Variants in NFAT5 observed in about 807,000 individuals in gnomAD.
The protein encoded by NFAT5 is nuclear factor of activated T cells 5, also known as nuclear factor of activated T-cells 5.
In NFAT5, 31 loss-of-function variants were observed where a neutral mutation model predicts 166.5. The observed-to-expected ratio is 0.19, with a 90% CI of 0.14 to 0.25. The LOEUF is 0.25. Ranked by LOEUF, NFAT5 falls within the 10% of genes least tolerant of loss-of-function variation. The pLI, the probability that NFAT5 is intolerant of heterozygous loss-of-function variation, is 1.00. For synonymous variants in NFAT5, 612 were observed against 639.7 expected (o/e 0.96, Z 0.65); for missense variants, 1,449 against 1,821.8 (o/e 0.80, Z 3.72).
chr16:69,588,201 C>T (rs11641050), intron 2 of NFAT5, among the ~76,000 whole-genome samples: 39,327 of 151,908 alleles, frequency 0.26, 5,550 homozygotes, highest in East Asian at 0.45. Flanking sequence ...CCACCTGCCT[C>T]GGCCTCCCAA....
chr16:69,688,269 CAG>C (rs1253290440), intron 11 of NFAT5, among the ~76,000 whole-genome samples: 5 of 146,448 alleles, frequency 3.4e-5, no homozygotes, highest in African/African-American at 1.3e-4. Context: ...GCCTGGGTAA[CAG>C]AGTGAGACCC....
chr16:69,577,265 T>C (rs1166230903), intron 2 of NFAT5, among the ~76,000 whole-genome samples: 1 of 152,160 alleles, frequency 6.6e-6, no homozygotes, highest in Non-Finnish European at 1.5e-5. Flanking sequence ...AGTTTAGAAG[T>C]TAACCCTCCC....
chr16:69,610,326 A>G (rs2033649008), intron 2 of NFAT5, among the ~76,000 whole-genome samples: 1 of 152,028 alleles, frequency 6.6e-6, no homozygotes, highest in Admixed American at 6.6e-5. Flanking sequence ...GGAAAACAAG[A>G]TGGGTTTTTT....
chr16:69,636,121 C>A (rs921340817), intron 3 of NFAT5, among the ~76,000 whole-genome samples: 2 of 152,090 alleles, frequency 1.3e-5, no homozygotes, highest in African/African-American at 4.8e-5. Context: ...GGTTACAGGG[C>A]CCATGCAAGT....
intron 2 of NFAT5, among the ~76,000 whole-genome samples, chr16:69,585,956 G>A (rs1053670932): frequency 1.3e-5 from 2 of 152,158 alleles, no homozygotes; most frequent in African/African-American, 4.8e-5. Flanking sequence ...ACAATGTCGT[G>A]CATAGATTTA....
intron 11 of NFAT5, among the ~76,000 whole-genome samples, chr16:69,686,340 G>A (rs566796461): frequency 3.3e-5 from 5 of 151,672 alleles, no homozygotes; most frequent in South Asian, 2.1e-4. Flanking sequence ...GCAACAGAGC[G>A]GGACTCGGTC....
intron 2 of NFAT5, among the ~76,000 whole-genome samples, chr16:69,578,877 GTT>G (rs200744895): frequency 2.1e-5 from 3 of 143,736 alleles, no homozygotes; most frequent in Admixed American, 7.0e-5. Context: ...ATCTGAATAA[GTT>G]TTTTTTTTTT....
At chr16:69,608,893 G>A (rs976597838) in intron 2 of NFAT5, among the ~76,000 whole-genome samples, 6 of 151,722 alleles carry the variant, frequency 4.0e-5, no homozygotes, top group East Asian at 2.0e-4. Flanking sequence ...AGGCCAAGGC[G>A]GGCGGATCAC....
intron 2 of NFAT5, among the ~76,000 whole-genome samples, chr16:69,598,482 A>G (rs2032938213): frequency 1.3e-5 from 2 of 152,042 alleles, no homozygotes; most frequent in African/African-American, 4.8e-5. Context: ...ACCATTGTTA[A>G]TAGGGAAGAC....
chr16:69,616,494 A>G (rs1180514507), intron 2 of NFAT5, among the ~76,000 whole-genome samples: 1 of 150,352 alleles, frequency 6.7e-6, no homozygotes, highest in Non-Finnish European at 1.5e-5. Flanking sequence ...TCATGCTTTT[A>G]CTCCTTGGGC....
intron 2 of NFAT5, among the ~76,000 whole-genome samples, chr16:69,601,174 T>C (rs2033112366): frequency 6.6e-6 from 1 of 152,134 alleles, no homozygotes; most frequent in Non-Finnish European, 1.5e-5. Context: ...ACAAATCACA[T>C]GCAGTCCTGC....
chr16:69,656,649 A>AC (rs2035893225), intron 6 of NFAT5, among the ~76,000 whole-genome samples: 1 of 151,846 alleles, frequency 6.6e-6, no homozygotes, highest in Non-Finnish European at 1.5e-5. Context: ...TCGGGGTTTC[A>AC]CCATCTTGGC....
intron 11 of NFAT5, among the ~76,000 whole-genome samples, chr16:69,690,224 ACTC>A (rs2037494649): frequency 6.6e-6 from 1 of 151,606 alleles, no homozygotes; most frequent in African/African-American, 2.4e-5. Flanking sequence ...AGAACTAACT[ACTC>A]CTGAAAATGG....
chr16:69,661,032 A>G (rs1233444369), intron 7 of NFAT5, among the ~76,000 whole-genome samples: 2 of 143,382 alleles, frequency 1.4e-5, no homozygotes, highest in African/African-American at 5.2e-5. Flanking sequence ...CTGGTCTTGA[A>G]CTCCTGACCT....
intron 10 of NFAT5, among the ~76,000 whole-genome samples, chr16:69,682,446 C>T (rs2037109762): frequency 6.6e-6 from 1 of 150,530 alleles, no homozygotes. Context: ...CCCCCCCCGC[C>T]ATCCCTACAA....
rs768892397 is a variant in NFAT5 at position 69,693,989 on chromosome 16, G to A, written c.4164G>A (p.Gln1388=). Residue 1388 remains glutamine, a synonymous_variant, in exon 13 of 15, where the codon CAG becomes CAA. Coordinates refer to ENST00000349945, the MANE Select transcript of NFAT5 (RefSeq NM_138713.4). ...LVQGSPSSQE[Q]QVTLFLSPAS... The stretch of plus-strand genomic sequence containing the variant: ...AAGGGTCACCTAGTTCTCAAGAGCA[G>A]CAAGTAACTCTCTTCTTATCTCCAG... 10 of 1,614,064 alleles carry A rather than the reference G, an allele frequency of 6.2e-6. No homozygotes were observed. The highest frequency in any genetic ancestry group is 2.7e-5 in the African/African-American group (2 of 74,932).
At chr16:69,602,726 T>A (rs2151543447) in intron 2 of NFAT5, among the ~76,000 whole-genome samples, 1 of 151,660 alleles carries the variant, frequency 6.6e-6, no homozygotes, top group Admixed American at 6.6e-5. Flanking sequence ...TACTTCAGCC[T>A]CCCAAGTAGT....
intron 4 of NFAT5, chr16:69,649,292 A>G: frequency 5.2e-6 from 5 of 960,894 alleles, no homozygotes; most frequent in Non-Finnish European, 6.2e-6. Flanking sequence ...GTTCCAGAAG[A>G]TAAATTTTCA....
intron 2 of NFAT5, among the ~76,000 whole-genome samples, chr16:69,599,271 A>T (rs542147236): frequency 6.6e-6 from 1 of 152,104 alleles, no homozygotes; most frequent in Non-Finnish European, 1.5e-5. Flanking sequence ...TGTGTGAATT[A>T]TATCTCAAAA....
Sources: allele counts gnomAD v4.1 joint callset (sites outside exome capture counted in the v4.1 genomes callset), GRCh38; gene constraint gnomAD v4.1.1; transcripts MANE v1.5; gene names NCBI Gene and HGNC (gene_info 2026-07-23, HGNC 2026-07-21).